Variants in PCDH11X observed in about 807,000 individuals in gnomAD.
PCDH11X encodes the protein protocadherin-11 X-linked.
Under a neutral mutation model 53.3 loss-of-function variants are expected in PCDH11X, and 18 were observed. The observed-to-expected ratio is 0.34, with a 90% CI of 0.23 to 0.50. The LOEUF (loss-of-function observed/expected upper bound fraction) is 0.50. Among genes scored for constraint, PCDH11X ranks in the 20% least tolerant of loss-of-function variants. PCDH11X has a pLI of 0.98. For missense variants in PCDH11X, 570 were observed against 1,032.4 expected, an observed-to-expected ratio of 0.55 and a Z score of 6.14; for synonymous variants, 279 against 393.3, an observed-to-expected ratio of 0.71 and a Z score of 3.44.
chrX:92,478,272 A>G (rs1386320018), intron 10 of PCDH11X, among the ~76,000 whole-genome samples: 3 of 111,206 alleles, frequency 2.7e-5, no homozygotes, highest in African/African-American at 9.8e-5. Context: ...ATAGCAATGT[A>G]AAAATGGACT....
chrX:92,062,098 TC>T (rs1422689310), intron 6 of PCDH11X, among the ~76,000 whole-genome samples: 1 of 111,116 alleles, frequency 9.0e-6, no homozygotes, highest in African/African-American at 3.3e-5. Context: ...AGGATTGTGT[TC>T]TTGATATGGC....
chrX:91,805,670 T>TA (rs1358524300), intron 1 of PCDH11X, among the ~76,000 whole-genome samples: 1 of 91,128 alleles, frequency 1.1e-5, no homozygotes, highest in African/African-American at 4.5e-5. Context: ...ATTTTTTTTT[T>TA]TAAATTAGCT....
chrX:92,268,730 A>T (rs193196239), intron 8 of PCDH11X, among the ~76,000 whole-genome samples: 109 of 111,658 alleles, frequency 9.8e-4, no homozygotes, highest in Admixed American at 9.4e-3. Context: ...TGAAAATTTG[A>T]TCAGTGGCAA....
At chrX:92,191,468 A>C (rs990106117) in intron 6 of PCDH11X, among the ~76,000 whole-genome samples, 7 of 112,045 alleles carry the variant, frequency 6.2e-5, no homozygotes, top group African/African-American at 2.3e-4. Context: ...AGAAATTAGA[A>C]ACGTCATTAT....
intron 10 of PCDH11X, among the ~76,000 whole-genome samples, chrX:92,573,591 CA>C (rs776600432): frequency 9.1e-6 from 1 of 109,768 alleles, no homozygotes; most frequent in Non-Finnish European, 1.9e-5. Context: ...CTATTTTAAC[CA>C]AAAATCTTTT....
rs35000823 is a variant in PCDH11X at position 92,278,806 on chromosome X, GTTT to G, written c.3144+15683_3144+15685del. On this transcript the variant is annotated intron_variant, in intron 8 of 10. Coordinates refer to ENST00000682573, the MANE Select transcript of PCDH11X (RefSeq NM_032968.5). ...TCAGAGGCCTGACAGTCTCTTTTCA[GTTT>G]TTTTTTTTTTTTTTTTTTTGAGATG... Among the ~76,000 whole-genome samples, 141 of 47,374 alleles carry G rather than the reference GTTT, an allele frequency of 3.0e-3. 2 individuals are homozygous for G. The highest frequency in any genetic ancestry group is 0.012 in the African/African-American group (131 of 10,810). 41.1% of individuals were successfully genotyped at this position (47,374 alleles called of 115,157 possible).
chrX:91,833,209 C>A (rs920961532), intron 4 of PCDH11X, among the ~76,000 whole-genome samples: 1 of 108,548 alleles, frequency 9.2e-6, no homozygotes, highest in African/African-American at 3.4e-5. Context: ...TTGTCACTGC[C>A]CCATTTTTAT....
chrX:91,801,774 G>C (rs1009867923), intron 1 of PCDH11X, among the ~76,000 whole-genome samples: 35 of 111,799 alleles, frequency 3.1e-4, no homozygotes, highest in African/African-American at 1.1e-3. Flanking sequence ...ATTAAAAATG[G>C]CATTTGTTAT....
At chrX:92,316,014 A>ATTAC (rs61121271) in intron 8 of PCDH11X, among the ~76,000 whole-genome samples, 11,936 of 53,867 alleles carry the variant, frequency 0.22, 2,605 homozygotes, top group East Asian at 0.63. Flanking sequence ...CAACATGAAT[A>ATTAC]TTACATTAAT....
intron 6 of PCDH11X, among the ~76,000 whole-genome samples, chrX:92,146,388 C>T (rs2065267754): frequency 9.0e-6 from 1 of 110,705 alleles, no homozygotes; most frequent in Non-Finnish European, 1.9e-5. Flanking sequence ...GCAACTTGTG[C>T]AATAGCTAAG....
Position 91,878,928 on chromosome X carries a change from T to A in PCDH11X, c.2688T>A (p.Val896=). The change falls in exon 6 of 11, where the codon GTT becomes GTA. Residue 896 remains valine (V), a synonymous_variant. Transcript: ENST00000682573. The part of the protein sequence containing the change: ...VTIEETKADD[V]DSDGNRVTLD... ...TTGAAGAAACTAAGGCAGATGATGT[T>A]GACAGTGATGGAAACAGAGTCACAC... 8.3e-7 allele frequency: 1 copy of A among 1,211,695 alleles called. No homozygotes were observed. Among genetic ancestry groups the A allele is most frequent in the Non-Finnish European group, 1.1e-6 (1 of 895,449 alleles).
intron 8 of PCDH11X, among the ~76,000 whole-genome samples, chrX:92,335,794 A>G (rs1281481763): frequency 8.9e-6 from 1 of 112,149 alleles, no homozygotes; most frequent in Admixed American, 9.4e-5. Flanking sequence ...CCAGTATCAT[A>G]TAAATAAATA....
intron 6 of PCDH11X, among the ~76,000 whole-genome samples, chrX:91,978,409 G>A (rs1368258177): frequency 2.9e-5 from 3 of 104,850 alleles, no homozygotes; most frequent in South Asian, 4.3e-4. Context: ...ATCACACTTC[G>A]CACATCTCTT....
intron 7 of PCDH11X, among the ~76,000 whole-genome samples, chrX:92,216,229 A>C (rs1240517372): frequency 2.7e-5 from 3 of 111,019 alleles, no homozygotes; most frequent in Admixed American, 1.9e-4. Flanking sequence ...AGCTGAGAGA[A>C]GGCTTCAGAT....
chrX:91,932,071 A>G (rs1328292978), intron 6 of PCDH11X, among the ~76,000 whole-genome samples: 1 of 110,931 alleles, frequency 9.0e-6, no homozygotes, highest in East Asian at 2.9e-4. Context: ...ATAAGTGAGA[A>G]CATGCAGTAT....
At chrX:92,082,409 C>A (rs543279758) in intron 6 of PCDH11X, among the ~76,000 whole-genome samples, 1 of 110,292 alleles carries the variant, frequency 9.1e-6, no homozygotes, top group Non-Finnish European at 1.9e-5. Context: ...TGAATGTCAC[C>A]GAAATGAAGT....
At chrX:92,087,456 C>G (rs1246422601) in intron 6 of PCDH11X, among the ~76,000 whole-genome samples, 2 of 109,835 alleles carry the variant, frequency 1.8e-5, no homozygotes, top group African/African-American at 6.6e-5. Context: ...CGACTGGGCT[C>G]AAGGAACACA....
In PCDH11X at chrX:92,020,389, A is replaced by G. The variant is rs777559762; in HGVS notation, c.3033+141116A>G. Among the ~76,000 whole-genome samples the G allele has an allele frequency of 3.2e-4, 36 of 112,089 alleles. No homozygotes were observed. In the South Asian group the frequency reaches 0.013, roughly 42 times the overall value. On this transcript the variant is annotated intron_variant, in intron 6 of 10. Transcript: ENST00000682573. ...GGAGGCTGGATGGCTTGGTCCCAAGAGGTATCCCCCACAGCCCAACACACC... is the reference window on the plus strand; with the variant it reads ...GGAGGCTGGATGGCTTGGTCCCAAGGGGTATCCCCCACAGCCCAACACACC...
intron 6 of PCDH11X, among the ~76,000 whole-genome samples, chrX:92,122,816 A>T (rs2064794801): frequency 9.1e-6 from 1 of 110,488 alleles, no homozygotes; most frequent in South Asian, 3.9e-4. Context: ...GGGCACCTGT[A>T]ATTCCAGCTA....
Sources: gnomAD v4.1 joint callset for allele counts (sites outside exome capture counted in the v4.1 genomes callset) on GRCh38, gnomAD v4.1.1 for gene constraint, MANE v1.5 for transcripts, NCBI Gene and HGNC (gene_info 2026-07-23, HGNC 2026-07-21) for gene names.